CDC25C: variants seen among roughly 807,000 people sequenced by gnomAD.
CDC25C encodes cell division cycle 25C.
A neutral mutation model predicts 52.5 loss-of-function variants in CDC25C; 48 were observed. That is an observed-to-expected ratio of 0.91 (90% CI 0.72 to 1.16). The LOEUF (loss-of-function observed/expected upper bound fraction) is 1.16. Among genes scored for constraint, CDC25C ranks in the 50% most tolerant of loss-of-function variants. The pLI, the probability that CDC25C is intolerant of heterozygous loss-of-function variation, is 0.00. For missense variants in CDC25C, 510 were observed against 566.1 expected (o/e 0.90, Z 1.01); for synonymous variants, 187 against 206.5 (o/e 0.91, Z 0.81).
chr5:138,295,019 T>C (rs1757066185), intron 7 of CDC25C, among the ~76,000 whole-genome samples: 1 of 152,346 alleles, frequency 6.6e-6, no homozygotes, highest in Non-Finnish European at 1.5e-5. Context: ...AATTTTAATA[T>C]ATGATGTACG....
intron 7 of CDC25C, among the ~76,000 whole-genome samples, chr5:138,316,515 C>T (rs1272632530): frequency 6.6e-6 from 1 of 151,942 alleles, no homozygotes; most frequent in African/African-American, 2.4e-5. Flanking sequence ...TAAGTCCCCA[C>T]CTTCAGGACG....
Position 138,286,345 on chromosome 5 carries a change from G to C in CDC25C, c.1160+152C>G, listed in dbSNP as rs1372991892. On this transcript the variant is annotated intron_variant, in intron 12 of 13. Coordinates refer to ENST00000323760, the MANE Select transcript of CDC25C (RefSeq NM_001790.5). ...CATTCTCAATCCCTTTTCCTTTATT[G>C]TTTCAAACTTTTCAATTTTAGAAAC... 36 of 950,094 alleles carry C rather than the reference G, an allele frequency of 3.8e-5. No individual in the cohort carries two copies. The Admixed American group carries it at 8.0e-4, about 21-fold the overall frequency. 58.9% of individuals were successfully genotyped at this position (950,094 alleles called of 1,614,324 possible).
chr5:138,305,649 C>A (rs1305271327), intron 7 of CDC25C, among the ~76,000 whole-genome samples: 1 of 152,132 alleles, frequency 6.6e-6, no homozygotes, highest in Non-Finnish European at 1.5e-5. Context: ...TATCCTTCTG[C>A]CTCAGACTCC....
chr5:138,310,463 C>T (rs918355927), intron 7 of CDC25C, among the ~76,000 whole-genome samples: 1 of 152,204 alleles, frequency 6.6e-6, no homozygotes, highest in Non-Finnish European at 1.5e-5. Context: ...GTTTACTTTG[C>T]GGAGGACATC....
Position 138,299,845 on chromosome 5 carries a change from A to T in CDC25C, c.616-7729T>A, listed in dbSNP as rs184597904. ...AACCAAAAGTTGGTTCTTTGAAAAG[A>T]TCAGCAAAAATCGACAAACTTTTAG... On this transcript the variant is annotated intron_variant, in intron 7 of 13. Transcript: ENST00000323760. 1.2e-3 allele frequency among the ~76,000 whole-genome samples: 186 copies of T among 152,252 alleles called. 1 individual carries two copies. The highest frequency in any genetic ancestry group is 7.2e-4 in the Non-Finnish European group (49 of 68,032).
intron 7 of CDC25C, among the ~76,000 whole-genome samples, chr5:138,300,232 T>C (rs1456334089): frequency 1.3e-5 from 2 of 152,112 alleles, no homozygotes; most frequent in Non-Finnish European, 2.9e-5. Flanking sequence ...AAATGCAAGG[T>C]TGATATAACA....
chr5:138,309,832 A>G (rs1371589974), intron 7 of CDC25C, among the ~76,000 whole-genome samples: 1 of 148,818 alleles, frequency 6.7e-6, no homozygotes, highest in Non-Finnish European at 1.5e-5. Context: ...TCAGCCTCCC[A>G]AGTAGCTGGG....
intron 6 of CDC25C, among the ~76,000 whole-genome samples, chr5:138,320,392 G>A (rs1257348827): frequency 6.6e-6 from 1 of 151,950 alleles, no homozygotes; most frequent in Non-Finnish European, 1.5e-5. Flanking sequence ...TACTCACAAT[G>A]GCCAAAAGGT....
At chr5:138,297,702 T>G (rs139547420) in intron 7 of CDC25C, among the ~76,000 whole-genome samples, 1 of 152,138 alleles carries the variant, frequency 6.6e-6, no homozygotes, top group Admixed American at 6.5e-5. Flanking sequence ...CTAGGTGACA[T>G]AGCAATGAAC....
exon 1 of CDC25C, chr5:138,338,119 C>A: frequency 1.6e-6 from 2 of 1,289,794 alleles, no homozygotes; most frequent in South Asian, 2.5e-5. Context: ...CCGAGAGACA[C>A]TTTGAGAGAG....
At position 138,329,494 on chromosome 5, in the gene CDC25C, C is replaced by T. The variant is rs955546902; in HGVS notation, c.289+59G>A. 102 of 1,071,690 alleles carry T rather than the reference C, an allele frequency of 9.5e-5. No individual in the cohort carries two copies. In the African/African-American group the frequency reaches 1.4e-3, roughly 15 times the overall value. 66.4% of individuals were successfully genotyped at this position (1,071,690 alleles called of 1,614,324 possible). The stretch of plus-strand genomic sequence containing the variant: ...CACCTTCCGTCTCTATCCTCCTTCC[C>T]TGTTTTCTCCCTTAAAAGTTATTCT... On this transcript the variant is annotated intron_variant, in intron 3 of 13. Coordinates refer to ENST00000323760, the MANE Select transcript of CDC25C (RefSeq NM_001790.5).
intron 6 of CDC25C, among the ~76,000 whole-genome samples, chr5:138,323,089 G>C (rs1009372136): frequency 6.6e-6 from 1 of 151,254 alleles, no homozygotes; most frequent in South Asian, 2.1e-4. Context: ...GTGCCACCAC[G>C]CCTGGCTAAT....
chr5:138,338,304 C>G (rs116204410), exon 1 of CDC25C: 2 of 601,204 alleles, frequency 3.3e-6, no homozygotes, highest in African/African-American at 3.8e-5. Context: ...CTGGAGGAAC[C>G]GCGGTAGGTG....
chr5:138,301,705 A>ATTTT (rs371753855), intron 7 of CDC25C, among the ~76,000 whole-genome samples: 1 of 114,172 alleles, frequency 8.8e-6, no homozygotes, highest in Non-Finnish European at 1.7e-5. Context: ...AAAAAAAAAA[A>ATTTT]TTTTTTTTTT....
chr5:138,291,365 T>A (rs1054743420), intron 8 of CDC25C, among the ~76,000 whole-genome samples: 9 of 152,108 alleles, frequency 5.9e-5, no homozygotes, highest in Non-Finnish European at 7.4e-5. Flanking sequence ...TCCCTTGTAT[T>A]CTTTCAGATC....
At chr5:138,326,624 A>C (rs1759880526) in intron 4 of CDC25C, among the ~76,000 whole-genome samples, 1 of 152,100 alleles carries the variant, frequency 6.6e-6, no homozygotes. Flanking sequence ...TACAGATGTG[A>C]GCCACCGCAC....
At chr5:138,335,527 G>C (rs1561733908), upstream of CDC25C, 1 of 152,324 alleles carries the variant, frequency 6.6e-6, no homozygotes, top group East Asian at 1.9e-4. Context: ...TCACAGATGG[G>C]GTTTGGCCCA....
intron 6 of CDC25C, among the ~76,000 whole-genome samples, chr5:138,324,599 A>C (rs1000569687): frequency 1.3e-5 from 2 of 152,040 alleles, no homozygotes; most frequent in Non-Finnish European, 2.9e-5. Context: ...CTCTACTAAA[A>C]ATACAAAAAT....
chr5:138,328,097 C>T (rs558895685), intron 4 of CDC25C, among the ~76,000 whole-genome samples: 1 of 152,196 alleles, frequency 6.6e-6, no homozygotes, highest in Admixed American at 6.5e-5. Flanking sequence ...GAACTGCTGA[C>T]CTCAACTGAT....
Sources: gnomAD v4.1 joint callset for allele counts (sites outside exome capture counted in the v4.1 genomes callset) on GRCh38, gnomAD v4.1.1 for gene constraint, MANE v1.5 for transcripts, NCBI Gene and HGNC (gene_info 2026-07-23, HGNC 2026-07-21) for gene names.